BMAL1: variants seen among roughly 807,000 people sequenced by gnomAD.
BMAL1 encodes the protein basic helix-loop-helix ARNT-like protein 1.
chr11:13,354,352 T>A, the BMAL1 span: 3 of 1,613,736 alleles, frequency 1.9e-6, no homozygotes, highest in Non-Finnish European at 2.5e-6. Context: ...ATCAGTGATT[T>A]CATGTCCCCG....
the BMAL1 span, among the ~76,000 whole-genome samples, chr11:13,342,613 CAG>C: frequency 6.6e-6 from 1 of 152,070 alleles, no homozygotes; most frequent in Non-Finnish European, 1.5e-5. Context: ...ACTATTGAAC[CAG>C]CATTCCCTAT....
chr11:13,300,033 G>T, the BMAL1 span, among the ~76,000 whole-genome samples: 1 of 152,160 alleles, frequency 6.6e-6, no homozygotes, highest in African/African-American at 2.4e-5. Context: ...ATTCCTCATG[G>T]CTGTTTGAGG....
At chr11:13,328,842 C>A in the BMAL1 span, among the ~76,000 whole-genome samples, 1 of 152,190 alleles carries the variant, frequency 6.6e-6, no homozygotes, top group African/African-American at 2.4e-5. Flanking sequence ...ACTTCTATCA[C>A]TTATTAGATG....
At chr11:13,287,398 T>C in the BMAL1 span, among the ~76,000 whole-genome samples, 3 of 152,208 alleles carry the variant, frequency 2.0e-5, no homozygotes, top group African/African-American at 7.2e-5. Context: ...GACTTCACTT[T>C]GGAGCTAGAG....
the BMAL1 span, among the ~76,000 whole-genome samples, chr11:13,279,709 C>T: frequency 6.6e-6 from 1 of 152,162 alleles, no homozygotes; most frequent in South Asian, 2.1e-4. Context: ...AAGTCTTTAA[C>T]GCAGCTTATA....
the BMAL1 span, among the ~76,000 whole-genome samples, chr11:13,339,008 C>T: frequency 1.3e-5 from 2 of 152,210 alleles, no homozygotes. Context: ...ACCAGCAGCT[C>T]CTCCCTGGAT....
At chr11:13,282,456 G>A in the BMAL1 span, among the ~76,000 whole-genome samples, 3 of 152,164 alleles carry the variant, frequency 2.0e-5, no homozygotes, top group Non-Finnish European at 4.4e-5. Flanking sequence ...GGCCTGGTTT[G>A]TAGTGGTCTC....
chr11:13,372,089 A>T, the BMAL1 span: 5 of 1,581,084 alleles, frequency 3.2e-6, no homozygotes, highest in Non-Finnish European at 4.3e-6. Flanking sequence ...CCTACATCCC[A>T]TCCCACCATC....
the BMAL1 span, among the ~76,000 whole-genome samples, chr11:13,332,962 C>CTTT: frequency 5.7e-5 from 8 of 141,120 alleles, no homozygotes; most frequent in Non-Finnish European, 1.5e-5. Context: ...TCGATACTGT[C>CTTT]TTTTTTTTTT....
the BMAL1 span, among the ~76,000 whole-genome samples, chr11:13,290,213 G>T: frequency 6.6e-6 from 1 of 152,130 alleles, no homozygotes; most frequent in Non-Finnish European, 1.5e-5. Context: ...TATCCTTTGG[G>T]ATAGGGCCAT....
At chr11:13,366,739 C>T in the BMAL1 span, 1 of 1,614,152 alleles carries the variant, frequency 6.2e-7, no homozygotes, top group East Asian at 2.2e-5. Flanking sequence ...AGCAGCTCTC[C>T]TCCTCTGACA....
At chr11:13,359,637 C>T in the BMAL1 span, among the ~76,000 whole-genome samples, 4 of 152,156 alleles carry the variant, frequency 2.6e-5, no homozygotes, top group Non-Finnish European at 5.9e-5. Context: ...TGTTACAGAT[C>T]CATTTCCTTT....
chr11:13,341,171 G>C, the BMAL1 span, among the ~76,000 whole-genome samples: 1 of 152,178 alleles, frequency 6.6e-6, no homozygotes, highest in South Asian at 2.1e-4. Flanking sequence ...TTCCTCTTCT[G>C]CCAGGAAGGT....
chr11:13,370,310 A>C, the BMAL1 span, among the ~76,000 whole-genome samples: 1 of 150,006 alleles, frequency 6.7e-6, no homozygotes, highest in African/African-American at 2.5e-5. Flanking sequence ...CATGTCATCT[A>C]CTCCCTCAGC....
chr11:13,374,018 G>C, the BMAL1 span: 1 of 1,312,290 alleles, frequency 7.6e-7, no homozygotes, highest in Non-Finnish European at 1.1e-6. Flanking sequence ...GCTGTAGCAG[G>C]GTTTATCCAT....
chr11:13,282,582 C>T, the BMAL1 span, among the ~76,000 whole-genome samples: 2 of 152,194 alleles, frequency 1.3e-5, no homozygotes, highest in South Asian at 4.1e-4. Flanking sequence ...TCAATTTTCA[C>T]GTGTCCAAAT....
the BMAL1 span, chr11:13,386,732 T>C: frequency 3.1e-6 from 5 of 1,614,014 alleles, no homozygotes; most frequent in Non-Finnish European, 8.5e-7. Context: ...CTGTTGACTT[T>C]AGTGACTTGC....
the BMAL1 span, among the ~76,000 whole-genome samples, chr11:13,366,983 A>G: frequency 3.3e-5 from 5 of 152,236 alleles, no homozygotes; most frequent in Non-Finnish European, 7.3e-5. Context: ...GAAGAAAAAA[A>G]TCTCAATGTC....
At chr11:13,348,393 G>T in the BMAL1 span, among the ~76,000 whole-genome samples, 1 of 152,152 alleles carries the variant, frequency 6.6e-6, no homozygotes, top group Admixed American at 6.5e-5. Context: ...TCTGAGCAAG[G>T]GGGTATCCCG....
Sources: gnomAD v4.1 joint callset for allele counts (sites outside exome capture counted in the v4.1 genomes callset) on GRCh38, gnomAD v4.1.1 for gene constraint, MANE v1.5 for transcripts, NCBI Gene and HGNC (gene_info 2026-07-23, HGNC 2026-07-21) for gene names.